The following VRK2 variants were observed in gnomAD, a reference collection of about 807,000 sequenced individuals.
VRK2 encodes serine/threonine-protein kinase VRK2.
Under a neutral mutation model 57.6 loss-of-function variants are expected in VRK2, and 60 were observed. The observed-to-expected ratio is 1.04, with a 90% confidence interval of 0.85 to 1.29. The LOEUF is 1.29. Ranked by LOEUF, VRK2 falls within the 50% of genes most tolerant of loss-of-function variation. VRK2 has a pLI of 0.00. For missense variants in VRK2, 705 were observed against 588.1 expected (o/e 1.20, Z -2.06); for synonymous variants, 231 against 199.2 (o/e 1.16, Z -1.35).
chr2:57,969,126 A>G lies in VRK2; in HGVS notation c.-438-56539A>G, dbSNP rs530229766. Among the ~76,000 whole-genome samples the G allele has an allele frequency of 3.2e-4, 48 of 152,212 alleles. 1 individual carries two copies. The South Asian group carries it at 8.5e-3, about 27-fold the overall frequency. On this transcript the variant is annotated intron_variant, in intron 1 of 15. Transcript: ENST00000417641. ...AAATGCTAGCCTAAATAATTGTGAT[A>G]AATGGACCTAAAAAGAAAACATAAG...
chr2:58,010,172 T>G (rs1673377025), intron 1 of VRK2, among the ~76,000 whole-genome samples: 1 of 152,168 alleles, frequency 6.6e-6, no homozygotes, highest in Non-Finnish European at 1.5e-5. Flanking sequence ...TCAGACTGTC[T>G]GGGTTCAAAT....
intron 1 of VRK2, among the ~76,000 whole-genome samples, chr2:57,933,324 T>TC (rs1670798957): frequency 7.2e-6 from 1 of 138,046 alleles, no homozygotes; most frequent in South Asian, 2.4e-4. Flanking sequence ...TTTTTTTTTT[T>TC]TTTTTTTGAG....
rs1558726237 is a variant in VRK2, at chr2:58,159,843, T to C, written c.*150T>C. 2.5e-6 allele frequency: 4 copies of C among 1,607,794 alleles called. No individual in the cohort carries two copies. Among genetic ancestry groups the C allele is most frequent in the East Asian group, 2.2e-5 (1 of 44,760 alleles). ...ATTTTAACAAAGTTTGTGGACACTC[T>C]AAAAAATAAAATTGCTTTGTACTAG... is the stretch of plus-strand genomic sequence containing the variant. On this transcript the variant is annotated 3_prime_UTR_variant, in exon 13 of 13. Transcript: ENST00000340157.
rs572283793 is a variant in VRK2, at chr2:58,155,011, T to A, written c.1183-4338T>A. Among the ~76,000 whole-genome samples the A allele has an allele frequency of 3.3e-5, 5 of 152,300 alleles. No individual in the cohort carries two copies. The East Asian group carries it at 9.6e-4, about 29-fold the overall frequency. ...TTAATTATATTATGGTCTAACAATA[T>A]AAATTTGTTAGGGTTTGTTTTATGG... is the stretch of plus-strand genomic sequence containing the variant. On this transcript the variant is annotated intron_variant, in intron 12 of 12. Transcript: ENST00000340157.
intron 3 of VRK2, chr2:58,033,589 G>C (rs1674182543): frequency 6.6e-6 from 1 of 151,992 alleles, no homozygotes; most frequent in Non-Finnish European, 1.5e-5. Flanking sequence ...AAGTCACTAA[G>C]TTTGTGGTAA....
rs1255763802 is a variant in VRK2, at chr2:58,058,002, AGG to A, written c.136+9036_136+9037del. On this transcript the variant is annotated intron_variant, in intron 2 of 12. Transcript: ENST00000340157. The stretch of plus-strand genomic sequence containing the variant: ...AATCATTGAAAATGTGTCAGCATTC[AGG>A]AGACTGTCTTTAATTTGCAATCCAA... Among the ~76,000 whole-genome samples the A allele has an allele frequency of 3.3e-5, 5 of 152,242 alleles. No individual in the cohort carries two copies. The East Asian group carries it at 5.8e-4, about 18-fold the overall frequency.
At chr2:58,132,050 A>C (rs1679285579) in intron 9 of VRK2, 122 bp downstream of exon 9, 1 of 1,253,346 alleles carries the variant, frequency 8.0e-7, no homozygotes, top group South Asian at 1.7e-5. Context: ...AAATTTCTTT[A>C]GTTTGAAAAA....
intron 2 of VRK2, among the ~76,000 whole-genome samples, chr2:58,054,321 A>T (rs932325697): frequency 6.6e-6 from 1 of 151,724 alleles, no homozygotes; most frequent in South Asian, 2.1e-4. Flanking sequence ...TCTATTCTTC[A>T]GTGCATTTAT....
At chr2:57,910,893 G>T (rs2103881877) in intron 1 of VRK2, among the ~76,000 whole-genome samples, 1 of 152,212 alleles carries the variant, frequency 6.6e-6, no homozygotes, top group South Asian at 2.1e-4. Context: ...TCAGAGATTT[G>T]GTTTTAAGTC....
chr2:58,123,801 G>C (rs1248897151), intron 8 of VRK2, among the ~76,000 whole-genome samples: 1 of 151,414 alleles, frequency 6.6e-6, no homozygotes, highest in Non-Finnish European at 1.5e-5. Context: ...GCTGCAGTGA[G>C]CCATAATCAC....
intron 1 of VRK2, among the ~76,000 whole-genome samples, chr2:57,915,469 A>T (rs1670116725): frequency 6.6e-6 from 1 of 152,198 alleles, no homozygotes; most frequent in Non-Finnish European, 1.5e-5. Context: ...GGATTAAAAA[A>T]ATAAAGATAC....
At chr2:58,140,497 G>A (rs1010962215) in intron 11 of VRK2, among the ~76,000 whole-genome samples, 4 of 151,964 alleles carry the variant, frequency 2.6e-5, no homozygotes, top group African/African-American at 7.2e-5. Flanking sequence ...ACCACTATCC[G>A]TATGCACAAA....
intron 1 of VRK2, among the ~76,000 whole-genome samples, chr2:57,919,534 A>C (rs1054650733): frequency 1.3e-5 from 2 of 152,080 alleles, no homozygotes; most frequent in East Asian, 3.8e-4. Context: ...TGTACATTCT[A>C]AATCTAAATA....
chr2:57,910,549 C>T (rs976041561), intron 1 of VRK2, among the ~76,000 whole-genome samples: 3 of 152,082 alleles, frequency 2.0e-5, no homozygotes, highest in African/African-American at 7.2e-5. Flanking sequence ...ATTTAATCCC[C>T]GGCTTCTCTA....
At chr2:57,979,271 CA>C in intron 1 of VRK2, among the ~76,000 whole-genome samples, 1 of 151,220 alleles carries the variant, frequency 6.6e-6, no homozygotes, top group Non-Finnish European at 1.5e-5. Context: ...AAGTAATTTA[CA>C]TTCCCACCAA....
intron 1 of VRK2, among the ~76,000 whole-genome samples, chr2:58,000,029 C>G (rs192463619): frequency 6.0e-4 from 92 of 152,216 alleles, no homozygotes; most frequent in Admixed American, 2.7e-3. Context: ...CGCACACACG[C>G]ATGCACACAC....
chr2:58,103,574 C>A (rs144854165), intron 7 of VRK2, among the ~76,000 whole-genome samples: 11 of 151,240 alleles, frequency 7.3e-5, no homozygotes, highest in African/African-American at 2.7e-4. Context: ...GAGACCAATA[C>A]GAAAGTAGCG....
intron 1 of VRK2, among the ~76,000 whole-genome samples, chr2:57,962,517 C>G (rs142910629): frequency 1.3e-5 from 2 of 152,046 alleles, no homozygotes; most frequent in African/African-American, 4.8e-5. Flanking sequence ...TAATTAGTCA[C>G]CTAGGTAATA....
intron 2 of VRK2, among the ~76,000 whole-genome samples, chr2:58,050,456 C>G (rs7574578): frequency 0.07 from 10,584 of 152,172 alleles, 1,226 homozygotes; most frequent in African/African-American, 0.24. Flanking sequence ...CTCTAGTATA[C>G]TGTCTTGACT....
Sources: gnomAD v4.1 joint callset for allele counts (sites outside exome capture counted in the v4.1 genomes callset) on GRCh38, gnomAD v4.1.1 for gene constraint, MANE v1.5 for transcripts, NCBI Gene and HGNC (gene_info 2026-07-23, HGNC 2026-07-21) for gene names.